Variants in ACAD10 observed in about 807,000 individuals in gnomAD.
The protein encoded by ACAD10 is ACAD-10.
A neutral mutation model predicts 116.8 loss-of-function variants in ACAD10; 112 were observed. The observed-to-expected ratio is 0.96, with a 90% CI of 0.82 to 1.12. The LOEUF is 1.12. Among genes scored for constraint, ACAD10 ranks in the 50% most tolerant of loss-of-function variants. The probability of loss-of-function intolerance (pLI) is 0.00; values close to 1 mark genes in which losing one functional copy is unlikely to be tolerated. For synonymous variants in ACAD10, 486 were observed against 510.6 expected (o/e 0.95, Z 0.65); for missense variants, 1,259 against 1,350.2 (o/e 0.93, Z 1.06).
intron 3 of ACAD10, among the ~76,000 whole-genome samples, chr12:111,704,038 T>G (rs1165145705): frequency 2.0e-5 from 3 of 151,720 alleles, no homozygotes; most frequent in Admixed American, 2.0e-4. Flanking sequence ...ATGTCCAGAA[T>G]AGGCAAACCC....
intron 2 of ACAD10, among the ~76,000 whole-genome samples, chr12:111,700,447 G>A (rs1473166973): frequency 1.3e-5 from 2 of 151,980 alleles, no homozygotes; most frequent in African/African-American, 2.4e-5. Flanking sequence ...GAATTACTAC[G>A]TCAAATGTAT....
intron 6 of ACAD10, 122 bp downstream of exon 6, chr12:111,712,779 G>A (rs1888725068): frequency 9.0e-7 from 1 of 1,115,880 alleles, no homozygotes; most frequent in Non-Finnish European, 1.3e-6. Context: ...GAGGAAAATA[G>A]CCATTGGGCC....
intron 3 of ACAD10, among the ~76,000 whole-genome samples, chr12:111,703,650 C>T (rs1888413080): frequency 6.6e-6 from 1 of 151,970 alleles, no homozygotes; most frequent in Admixed American, 6.6e-5. Flanking sequence ...CAAGCCCGGC[C>T]AACATGGTGA....
chr12:111,747,429 C>A, intron 16 of ACAD10, 44 bp downstream of exon 16: 2 of 1,607,176 alleles, frequency 1.2e-6, no homozygotes, highest in South Asian at 2.2e-5. Context: ...ATCAGGGAGT[C>A]TGTGCTGTTA....
intron 7 of ACAD10, among the ~76,000 whole-genome samples, chr12:111,717,921 A>G (rs1294450812): frequency 3.3e-5 from 5 of 149,930 alleles, no homozygotes; most frequent in Non-Finnish European, 5.9e-5. Context: ...CTTGTTTTAG[A>G]TTTGGTAAGT....
chr12:111,726,936 C>G (rs187552468), intron 8 of ACAD10, among the ~76,000 whole-genome samples: 180 of 150,496 alleles, frequency 1.2e-3, no homozygotes, highest in Admixed American at 3.4e-3. Context: ...GGATTTAAAC[C>G]TGGTTCCAAC....
intron 7 of ACAD10, among the ~76,000 whole-genome samples, chr12:111,718,036 CTTTTTTTTTTTTTT>C (rs560344796): frequency 5.8e-4 from 37 of 63,674 alleles, no homozygotes; most frequent in South Asian, 3.6e-3. Flanking sequence ...TAGTGATATC[CTTTTTTTTTTTTTT>C]TTTTTTTTTT....
rs748539689 is a variant in ACAD10, at chr12:111,692,749, T to C, written c.40T>C (p.Trp14Arg). The change falls in exon 2 of 21, where the codon TGG becomes CGG. Residue 14 changes from tryptophan (W) to arginine (R), a missense_variant. Physicochemically the swap from Trp to Arg is moderately radical, Grantham distance 101. Transcript: ENST00000313698. Reference protein sequence around the residue: ...RSCFQSPRLQWVWRTAFLKHT... With the variant: ...RSCFQSPRLQRVWRTAFLKHT... ...CTGTTTCCAGTCCCCCCGTCTCCAG[T>C]GGGTGTGGAGAACAGCCTTCCTGAA... 3.7e-6 allele frequency: 6 copies of C among 1,614,088 alleles called. No homozygotes were observed. The highest frequency in any genetic ancestry group is 4.2e-6 in the Non-Finnish European group (5 of 1,180,008).
intron 5 of ACAD10, chr12:111,710,047 C>T (rs1162190089): frequency 1.5e-5 from 5 of 330,452 alleles, no homozygotes; most frequent in East Asian, 9.9e-5. Flanking sequence ...CTGTAAAGCA[C>T]GAGAAGCCAT....
At chr12:111,739,043 A>G (rs1889656251) in intron 12 of ACAD10, among the ~76,000 whole-genome samples, 1 of 152,078 alleles carries the variant, frequency 6.6e-6, no homozygotes, top group African/African-American at 2.4e-5. Context: ...TCCTGTACAA[A>G]TGATACTGCA....
At chr12:111,713,763 C>A (rs1888759893) in intron 6 of ACAD10, among the ~76,000 whole-genome samples, 1 of 150,896 alleles carries the variant, frequency 6.6e-6, no homozygotes, top group African/African-American at 2.5e-5. Context: ...ATGGCAAAAC[C>A]CCATCTCTAC....
intron 3 of ACAD10, among the ~76,000 whole-genome samples, chr12:111,704,688 C>CTTTTTTTTTTT (rs59745029): frequency 2.4e-5 from 3 of 126,154 alleles, no homozygotes; most frequent in African/African-American, 6.1e-5. Flanking sequence ...TTCTTTCTTT[C>CTTTTTTTTTTT]TTTTTTTTTT....
rs142427943 is a variant in ACAD10, at chr12:111,713,448, A to C, written c.850+791A>C. 2.2e-4 allele frequency among the ~76,000 whole-genome samples: 33 copies of C among 151,970 alleles called. 1 individual carries two copies. In the East Asian group the frequency reaches 6.4e-3, roughly 29 times the overall value. ...GAGACCAGGCTGACCAACATGGTGA[A>C]ACCTTGACTCTACTAAAAATACAAA... On this transcript the variant is annotated intron_variant, in intron 6 of 20. Transcript: ENST00000313698.
At chr12:111,707,838 A>T (rs1888556046) in intron 4 of ACAD10, among the ~76,000 whole-genome samples, 1 of 152,152 alleles carries the variant, frequency 6.6e-6, no homozygotes. Context: ...ACATCACATG[A>T]CCTGGGAGTT....
chr12:111,716,069 A>G (rs1383074821), intron 7 of ACAD10, 107 bp downstream of exon 7: 13 of 1,472,482 alleles, frequency 8.8e-6, no homozygotes, highest in African/African-American at 2.8e-5. Flanking sequence ...CAAGACATTT[A>G]AAACTACAAT....
chr12:111,691,254 A>C (rs1888032810), intron 1 of ACAD10: 1 of 152,300 alleles, frequency 6.6e-6, no homozygotes, highest in Non-Finnish European at 1.5e-5. Flanking sequence ...AAGTTTGAGG[A>C]ACAGTTACCA....
intron 8 of ACAD10, among the ~76,000 whole-genome samples, chr12:111,724,200 A>G (rs1313959557): frequency 4.1e-5 from 6 of 146,710 alleles, no homozygotes; most frequent in Admixed American, 2.7e-4. Context: ...CCGGGCAGAG[A>G]CGCTCCTCAC....
intron 16 of ACAD10, chr12:111,747,604 G>C: frequency 3.6e-6 from 5 of 1,374,090 alleles, no homozygotes; most frequent in Non-Finnish European, 4.7e-6. Context: ...GACGTCCCCC[G>C]GTGCCCACAC....
intron 7 of ACAD10, among the ~76,000 whole-genome samples, chr12:111,719,730 A>G (rs371134749): frequency 6.6e-6 from 1 of 150,994 alleles, no homozygotes; most frequent in African/African-American, 2.4e-5. Flanking sequence ...TTTTTGTATT[A>G]TTTTTATTAT....
Sources: gnomAD v4.1 joint callset for allele counts (sites outside exome capture counted in the v4.1 genomes callset) on GRCh38, gnomAD v4.1.1 for gene constraint, MANE v1.5 for transcripts, NCBI Gene and HGNC (gene_info 2026-07-23, HGNC 2026-07-21) for gene names.